The following CACNG3 variants were observed in gnomAD, a reference collection of about 807,000 sequenced individuals.
CACNG3 encodes the protein voltage-dependent calcium channel gamma-3 subunit.
A neutral mutation model predicts 28.5 loss-of-function variants in CACNG3; 3 were observed. The observed-to-expected ratio is 0.11, with a 90% CI of 0.05 to 0.27. The LOEUF (loss-of-function observed/expected upper bound fraction) is 0.27, where lower values mean the gene tolerates loss of function less well. CACNG3 is among the 10% of genes least tolerant of loss of function. The pLI, the probability that CACNG3 is intolerant of heterozygous loss-of-function variation, is 1.00. For synonymous variants in CACNG3, 174 were observed against 162.2 expected (o/e 1.07, Z -0.55); for missense variants, 236 against 414.4 (o/e 0.57, Z 3.74).
intron 3 of CACNG3, among the ~76,000 whole-genome samples, chr16:24,360,835 G>A (rs569533725): frequency 3.4e-4 from 51 of 152,054 alleles, no homozygotes; most frequent in Non-Finnish European, 6.6e-4. Flanking sequence ...TGCAGGATCC[G>A]GCTCAAATGT....
intron 1 of CACNG3, among the ~76,000 whole-genome samples, chr16:24,327,423 T>TTC (rs1491109823): frequency 4.0e-5 from 1 of 24,810 alleles, no homozygotes; most frequent in African/African-American, 1.7e-4. Flanking sequence ...AATATATATA[T>TTC]GTGTGTGTGT....
intron 1 of CACNG3, among the ~76,000 whole-genome samples, chr16:24,263,551 A>G (rs553606873): frequency 2.6e-4 from 39 of 152,342 alleles, no homozygotes; most frequent in Middle Eastern, 6.8e-3. Context: ...TAGGGCTTTA[A>G]TAAGTTAATG....
At chr16:24,329,402 G>A (rs1899603547) in intron 1 of CACNG3, among the ~76,000 whole-genome samples, 1 of 152,168 alleles carries the variant, frequency 6.6e-6, no homozygotes, top group Admixed American at 6.5e-5. Flanking sequence ...ACAGATCCAG[G>A]AGGCTCTCTT....
chr16:24,344,408 C>G (rs1185410740), intron 1 of CACNG3, among the ~76,000 whole-genome samples: 1 of 54,844 alleles, frequency 1.8e-5, no homozygotes, highest in Admixed American at 1.9e-4. Context: ...GACTCAGTCT[C>G]AGAAAAAAAA....
chr16:24,289,727 C>T (rs1898941273), intron 1 of CACNG3, among the ~76,000 whole-genome samples: 1 of 152,170 alleles, frequency 6.6e-6, no homozygotes, highest in South Asian at 2.1e-4. Context: ...CACTAGACTG[C>T]CTGGATTTGC....
intron 2 of CACNG3, among the ~76,000 whole-genome samples, chr16:24,354,591 T>C (rs761472888): frequency 1.2e-4 from 18 of 152,220 alleles, no homozygotes; most frequent in African/African-American, 4.1e-4. Context: ...ACTTCACTTA[T>C]AAAACACACA....
intron 1 of CACNG3, among the ~76,000 whole-genome samples, chr16:24,337,839 C>G (rs1360652028): frequency 2.0e-5 from 3 of 150,116 alleles, no homozygotes; most frequent in Non-Finnish European, 3.0e-5. Flanking sequence ...TGGGGCTGAC[C>G]TTGGTCCATG....
chr16:24,347,640 C>T (rs1347781494), intron 2 of CACNG3, among the ~76,000 whole-genome samples: 1 of 152,180 alleles, frequency 6.6e-6, no homozygotes, highest in Non-Finnish European at 1.5e-5. Flanking sequence ...CTTTGACTTC[C>T]CTCCAGTTTC....
intron 1 of CACNG3, among the ~76,000 whole-genome samples, chr16:24,277,418 C>G (rs2238503): frequency 0.19 from 29,626 of 152,114 alleles, 3,515 homozygotes; most frequent in Non-Finnish European, 0.28. Context: ...GCAGGACAGC[C>G]CCTACAACAC....
chr16:24,284,151 T>C (rs549509810), intron 1 of CACNG3, among the ~76,000 whole-genome samples: 1 of 152,322 alleles, frequency 6.6e-6, no homozygotes, highest in South Asian at 2.1e-4. Flanking sequence ...CTGAAGTGGA[T>C]TTGCTAACAT....
chr16:24,327,126 C>CAAAAAAAAAAA lies in CACNG3; in HGVS notation c.212-19591_212-19581dup, dbSNP rs57918697. Among the ~76,000 whole-genome samples, 6 of 35,830 alleles carry CAAAAAAAAAAA rather than the reference C, an allele frequency of 1.7e-4. 2 individuals are homozygous for CAAAAAAAAAAA. Among genetic ancestry groups the CAAAAAAAAAAA allele is most frequent in the African/African-American group, 6.6e-4 (5 of 7,550 alleles). 23.5% of individuals were successfully genotyped at this position (35,830 alleles called of 152,430 possible). ...AGTGGCCAAGGCAGGGGCTCCAAACCAAAAAAAAAAAAAAAAAAAAAAAAA... is the reference window on the plus strand; with the variant it reads ...AGTGGCCAAGGCAGGGGCTCCAAACCAAAAAAAAAAAAAAAAAAAAAAAAAAAAAAAAAAAA... On this transcript the variant is annotated intron_variant, in intron 1 of 3. Transcript: ENST00000005284.
intron 1 of CACNG3, among the ~76,000 whole-genome samples, chr16:24,328,146 T>C (rs1400099423): frequency 6.6e-6 from 1 of 152,042 alleles, no homozygotes; most frequent in East Asian, 1.9e-4. Flanking sequence ...TCCTTTGTAA[T>C]ATGTGCCTGA....
chr16:24,262,481 G>C (rs1202956406), intron 1 of CACNG3, among the ~76,000 whole-genome samples: 1 of 152,176 alleles, frequency 6.6e-6, no homozygotes, highest in East Asian at 1.9e-4. Context: ...CCTATGTCTT[G>C]ATAAACAACA....
intron 1 of CACNG3, among the ~76,000 whole-genome samples, chr16:24,299,938 G>GCA (rs71943943): frequency 0.074 from 10,953 of 147,306 alleles, 773 homozygotes; most frequent in Admixed American, 0.16. Flanking sequence ...ACATGCACAC[G>GCA]CACACACACA....
At chr16:24,316,682 G>A (rs1405104113) in intron 1 of CACNG3, among the ~76,000 whole-genome samples, 1 of 152,150 alleles carries the variant, frequency 6.6e-6, no homozygotes, top group South Asian at 2.1e-4. Context: ...AGACCTCAGG[G>A]CCTCTGACCA....
intron 1 of CACNG3, among the ~76,000 whole-genome samples, chr16:24,271,870 T>A (rs956339058): frequency 6.6e-6 from 1 of 151,944 alleles, no homozygotes; most frequent in Admixed American, 6.6e-5. Flanking sequence ...TCCCCCAAGG[T>A]GCCCCTGGTT....
chr16:24,262,594 A>G (rs1312621649), intron 1 of CACNG3, among the ~76,000 whole-genome samples: 2 of 152,250 alleles, frequency 1.3e-5, no homozygotes, highest in Non-Finnish European at 2.9e-5. Flanking sequence ...ACCTGGCCCC[A>G]CAGATGTCAT....
At chr16:24,328,242 C>T (rs1899584138) in intron 1 of CACNG3, among the ~76,000 whole-genome samples, 1 of 151,744 alleles carries the variant, frequency 6.6e-6, no homozygotes, top group Non-Finnish European at 1.5e-5. Context: ...ATCTGAAGCC[C>T]AGATAGAAAT....
intron 1 of CACNG3, among the ~76,000 whole-genome samples, chr16:24,318,176 T>C (rs1387284095): frequency 2.6e-5 from 4 of 152,094 alleles, no homozygotes; most frequent in Non-Finnish European, 5.9e-5. Context: ...AGGCACTCAG[T>C]ATATCCTTTT....
Sources: gnomAD v4.1 joint callset for allele counts (sites outside exome capture counted in the v4.1 genomes callset) on GRCh38, gnomAD v4.1.1 for gene constraint, MANE v1.5 for transcripts, NCBI Gene and HGNC (gene_info 2026-07-23, HGNC 2026-07-21) for gene names.